The following FBXO3 variants were observed in gnomAD, a reference collection of about 807,000 sequenced individuals.
The protein encoded by FBXO3 is F-box only protein 3.
In FBXO3, 17 loss-of-function variants were observed where a neutral mutation model predicts 64.8. That is an observed-to-expected ratio of 0.26 (90% CI 0.18 to 0.39). The LOEUF (loss-of-function observed/expected upper bound fraction) is 0.39. Ranked by LOEUF, FBXO3 falls within the 10% of genes least tolerant of loss-of-function variation. The pLI, the probability that FBXO3 is intolerant of heterozygous loss-of-function variation, is 1.00. For synonymous variants in FBXO3, 182 were observed against 201.6 expected (o/e 0.90, Z 0.82); for missense variants, 420 against 589.9 (o/e 0.71, Z 2.98).
rs754490485 is a variant in FBXO3 at position 33,741,965 on chromosome 11, T to C, written c.1359A>G (p.Arg453=). 6.2e-7 allele frequency: 1 copy of C among 1,613,940 alleles called. No homozygotes were observed. The highest frequency in any genetic ancestry group is 8.5e-7 in the Non-Finnish European group (1 of 1,179,910). The change falls in exon 11 of 11, where the codon AGA becomes AGG. Residue 453 remains arginine (R), a synonymous_variant. Coordinates refer to ENST00000265651, the MANE Select transcript of FBXO3 (RefSeq NM_012175.4). The part of the protein sequence containing the change: ...DESDEDDEEE[R]RRRVFDVPIR... Reference sequence around the variant, plus strand: ...TGGGAACATCAAAGACTCTCCTCCGTCTCTCCTCTTCATCATCTTCATCTG... The same window carrying C: ...TGGGAACATCAAAGACTCTCCTCCGCCTCTCCTCTTCATCATCTTCATCTG...
Position 33,742,088 on chromosome 11 carries a change from G to A in FBXO3, c.1240-4C>T. 6.4e-7 allele frequency: 1 copy of A among 1,552,176 alleles called. No individual in the cohort carries two copies. The highest frequency in any genetic ancestry group is 1.2e-5 in the South Asian group (1 of 83,416). On this transcript the variant is annotated splice_region_variant and splice_polypyrimidine_tract_variant and intron_variant, in intron 10 of 10. Coordinates refer to ENST00000265651, the MANE Select transcript of FBXO3 (RefSeq NM_012175.4). ...CATATTCATCAGGACCCATTTCCTTGAAAGAGAAAACAATCTTTTGATAAG... is the reference window on the plus strand; with the variant it reads ...CATATTCATCAGGACCCATTTCCTTAAAAGAGAAAACAATCTTTTGATAAG...
intron 5 of FBXO3, 119 bp downstream of exon 5, chr11:33,755,652 A>G (rs775059281): frequency 1.4e-5 from 10 of 738,994 alleles, no homozygotes; most frequent in East Asian, 5.4e-5. Flanking sequence ...AGAGAGGTCT[A>G]TAACTAAAAT....
intron 3 of FBXO3, among the ~76,000 whole-genome samples, chr11:33,764,309 A>G (rs1296751270): frequency 6.6e-6 from 1 of 152,206 alleles, no homozygotes; most frequent in African/African-American, 2.4e-5. Context: ...TAGCATTAAC[A>G]ATCACAATAG....
intron 3 of FBXO3, among the ~76,000 whole-genome samples, chr11:33,759,620 T>C (rs1336290214): frequency 6.6e-6 from 1 of 152,046 alleles, no homozygotes; most frequent in African/African-American, 2.4e-5. Flanking sequence ...AAGTAATCTC[T>C]AGAAGAAAAT....
chr11:33,767,611 G>C (rs1855409216), intron 3 of FBXO3: 1 of 152,180 alleles, frequency 6.6e-6, no homozygotes, highest in African/African-American at 2.4e-5. Flanking sequence ...AACTTACTTA[G>C]TTTTTCATGC....
At chr11:33,773,944 C>T (rs1212064853) in intron 1 of FBXO3, 2 of 157,050 alleles carry the variant, frequency 1.3e-5, no homozygotes, top group Admixed American at 1.3e-4. Flanking sequence ...TCTCGCTCAC[C>T]CACCTGCCCA....
chr11:33,751,227 T>C (rs1854948859), intron 7 of FBXO3, among the ~76,000 whole-genome samples: 1 of 152,186 alleles, frequency 6.6e-6, no homozygotes, highest in African/African-American at 2.4e-5. Flanking sequence ...GCCAAATAAC[T>C]TTTTGGTGTT....
At chr11:33,770,904 C>A (rs1855495774) in intron 1 of FBXO3, 74 bp from the exon 2 acceptor site, 2 of 1,224,154 alleles carry the variant, frequency 1.6e-6, no homozygotes, top group Non-Finnish European at 1.2e-6. Context: ...TTAAAATATT[C>A]ATTGTTTTGT....
intron 3 of FBXO3, chr11:33,763,402 T>C (rs904620877): frequency 2.5e-5 from 6 of 239,804 alleles, no homozygotes; most frequent in South Asian, 4.7e-5. Context: ...AAAGATAATA[T>C]ATTACAATCA....
intron 2 of FBXO3, 51 bp downstream of exon 2, chr11:33,770,690 G>A (rs1855490555): frequency 1.4e-6 from 2 of 1,389,282 alleles, no homozygotes; most frequent in South Asian, 2.4e-5. Context: ...CTAGTGTTAT[G>A]GAAGAAGCCA....
At chr11:33,764,198 C>G (rs1419901424) in intron 3 of FBXO3, among the ~76,000 whole-genome samples, 1 of 152,202 alleles carries the variant, frequency 6.6e-6, no homozygotes, top group African/African-American at 2.4e-5. Flanking sequence ...TGAACAAACT[C>G]TGTTACACTC....
In FBXO3 at chr11:33,758,610, G is replaced by A; in HGVS notation, c.359-9C>T. 1.3e-6 allele frequency: 2 copies of A among 1,562,486 alleles called. No individual in the cohort carries two copies. Among genetic ancestry groups the A allele is most frequent in the Non-Finnish European group, 1.7e-6 (2 of 1,146,484 alleles). On this transcript the variant is annotated splice_polypyrimidine_tract_variant and intron_variant, in intron 3 of 10. Coordinates refer to ENST00000265651, the MANE Select transcript of FBXO3 (RefSeq NM_012175.4). ...TTCCTCTCGAGCACCCTCTATAAAGGCACAAAAAAGAGTGAATTGTGAAGA... is the reference window on the plus strand; with the variant it reads ...TTCCTCTCGAGCACCCTCTATAAAGACACAAAAAAGAGTGAATTGTGAAGA...
rs1450382396 is a variant in FBXO3, at chr11:33,741,971, CTCT to C, written c.1350_1352del (p.Glu452del). The C allele has an allele frequency of 3.7e-6, 6 of 1,613,986 alleles. No individual in the cohort carries two copies. The highest frequency in any genetic ancestry group is 5.1e-6 in the Non-Finnish European group (6 of 1,179,890). ...CATCAAAGACTCTCCTCCGTCTCTC[CTCT>C]TCATCATCTTCATCTGATTCATCCA... On this transcript the variant is annotated inframe_deletion, in exon 11 of 11. Coordinates refer to ENST00000265651, the MANE Select transcript of FBXO3 (RefSeq NM_012175.4).
chr11:33,744,011 G>A (rs1854751076), intron 10 of FBXO3: 1 of 152,184 alleles, frequency 6.6e-6, no homozygotes, highest in Non-Finnish European at 1.5e-5. Context: ...TAATGTAGGA[G>A]AAAGGAATTG....
Position 33,755,941 on chromosome 11 carries a change from G to C in FBXO3, c.508C>G (p.Arg170Gly), listed in dbSNP as rs1046569134. The change falls in exon 5 of 11, where the codon CGT becomes GGT. Residue 170 changes from arginine (R) to glycine (G), a missense_variant. This residue lies in a region of FBXO3 where 337 missense variants were observed against 518.4 expected (regional missense o/e 0.65). Coordinates refer to ENST00000265651, the MANE Select transcript of FBXO3 (RefSeq NM_012175.4). ...LGSMALSNHY[R>G]SEDLLDVDTA... is the part of the protein sequence containing the mutation. ...TCGACGTCTAACAAATCTTCAGAAC[G>C]ATAGTGATTAGACAGTGCCATGCTT... The C allele has an allele frequency of 6.2e-7, 1 of 1,614,098 alleles. No individual in the cohort carries two copies. Among genetic ancestry groups the C allele is most frequent in the East Asian group, 2.2e-5 (1 of 44,874 alleles).
At chr11:33,767,691 G>A (rs919034093) in intron 3 of FBXO3, 2 of 152,172 alleles carry the variant, frequency 1.3e-5, no homozygotes, top group Non-Finnish European at 2.9e-5. Flanking sequence ...ATTAAATGGA[G>A]TAATACTCAA....
Position 33,741,695 on chromosome 11 carries a change from A to C in FBXO3, c.*213T>G, listed in dbSNP as rs1196509170. On this transcript the variant is annotated 3_prime_UTR_variant, in exon 11 of 11. Transcript: ENST00000265651. ...TTCCACTGACTCCTGGAAGAGAAAA[A>C]AAAGATTCCCATTTCTTCCTCTACC... 5.1e-6 allele frequency: 2 copies of C among 391,902 alleles called. No homozygotes were observed. The highest frequency in any genetic ancestry group is 4.1e-5 in the African/African-American group (2 of 48,394). 24.3% of individuals were successfully genotyped at this position (391,902 alleles called of 1,614,324 possible).
intron 4 of FBXO3, among the ~76,000 whole-genome samples, chr11:33,756,577 T>C (rs1301238228): frequency 6.6e-6 from 1 of 152,244 alleles, no homozygotes; most frequent in African/African-American, 2.4e-5. Context: ...CTATTGGTCA[T>C]GTCAGTTCTG....
At chr11:33,771,916 A>T (rs939417019) in intron 1 of FBXO3, 1 of 152,236 alleles carries the variant, frequency 6.6e-6, no homozygotes, top group South Asian at 2.1e-4. Flanking sequence ...GATGAATTCA[A>T]TGCACATCGA....
Sources: gnomAD v4.1 joint callset for allele counts (sites outside exome capture counted in the v4.1 genomes callset) on GRCh38, gnomAD v4.1.1 for gene constraint, gnomAD v4.1.1 regional missense constraint, MANE v1.5 for transcripts, NCBI Gene and HGNC (gene_info 2026-07-23, HGNC 2026-07-21) for gene names.